COX7A2L: variants seen among roughly 807,000 people sequenced by gnomAD.
COX7A2L encodes cytochrome c oxidase subunit 7A2-like, mitochondrial.
In COX7A2L, 18 loss-of-function variants were observed where a neutral mutation model predicts 14.2. The observed-to-expected ratio is 1.27, with a 90% CI of 0.88 to 1.88. COX7A2L has a LOEUF of 1.88. COX7A2L is among the 40% of genes most tolerant of loss of function. The pLI, the probability that COX7A2L is intolerant of heterozygous loss-of-function variation, is 0.00. For synonymous variants in COX7A2L, 65 were observed against 57.4 expected (o/e 1.13, Z -0.60); for missense variants, 179 against 138.8 (o/e 1.29, Z -1.46).
At chr2:42,347,386 T>C (rs1670520744), downstream of COX7A2L, among the ~76,000 whole-genome samples, 1 of 150,738 alleles carries the variant, frequency 6.6e-6, no homozygotes, top group African/African-American at 2.4e-5. Flanking sequence ...AAATCTCACG[T>C]CTAGAAATGA....
chr2:42,337,462 AG>A (rs1186532454), intron 2 of COX7A2L, among the ~76,000 whole-genome samples: 1 of 152,172 alleles, frequency 6.6e-6, no homozygotes, highest in African/African-American at 2.4e-5. Flanking sequence ...CAGGAATGGA[AG>A]GGAGGGGAGG....
intron 2 of COX7A2L, among the ~76,000 whole-genome samples, chr2:42,351,699 C>T (rs182490941): frequency 9.9e-5 from 15 of 152,262 alleles, no homozygotes; most frequent in Admixed American, 7.2e-4. Context: ...AGAGGCTGGG[C>T]GCGGTGGCTC....
downstream of COX7A2L, among the ~76,000 whole-genome samples, chr2:42,345,826 C>T (rs1041642312): frequency 1.3e-5 from 2 of 152,136 alleles, no homozygotes; most frequent in Admixed American, 6.5e-5. Context: ...TACTCAGCAC[C>T]GTGGCCTAAC....
At chr2:42,357,500 C>T (rs145018212) in intron 1 of COX7A2L, among the ~76,000 whole-genome samples, 3 of 151,884 alleles carry the variant, frequency 2.0e-5, no homozygotes, top group African/African-American at 7.2e-5. Flanking sequence ...TTTTTAGAGA[C>T]GGGGTCTCAC....
At chr2:42,356,090 C>T (rs907163969) in intron 1 of COX7A2L, among the ~76,000 whole-genome samples, 4 of 151,990 alleles carry the variant, frequency 2.6e-5, no homozygotes, top group Admixed American at 6.6e-5. Context: ...AGTGCAGTGG[C>T]GTGATCCTGG....
intron 1 of COX7A2L, among the ~76,000 whole-genome samples, chr2:42,357,374 T>C (rs890107885): frequency 6.6e-6 from 1 of 152,226 alleles, no homozygotes; most frequent in Non-Finnish European, 1.5e-5. Context: ...AACGCATTGA[T>C]CACAGCTCAC....
At chr2:42,341,603 G>T (rs148677005) in intron 2 of COX7A2L, among the ~76,000 whole-genome samples, 1 of 152,212 alleles carries the variant, frequency 6.6e-6, no homozygotes, top group Non-Finnish European at 1.5e-5. Context: ...GTGATGGGTG[G>T]GGGGACACAA....
rs555545572 is a variant in COX7A2L at position 42,355,924 on chromosome 2, C to T, written c.73-2581G>A. ...TATTTTTCATAGAGACTGGGTTTTG[C>T]CATGTTGGCCAGGCTGGTCTCGAAC... is the stretch of plus-strand genomic sequence containing the variant. On this transcript the variant is annotated intron_variant, in intron 1 of 2. Transcript: ENST00000234301. Among the ~76,000 whole-genome samples the T allele has an allele frequency of 1.1e-3, 171 of 152,150 alleles. 1 individual carries two copies. The highest frequency in any genetic ancestry group is 6.8e-3 in the Middle Eastern group (2 of 294).
Position 42,338,176 on chromosome 2 carries a change from A to C in COX7A2L, c.193-4307T>G, listed in dbSNP as rs1441570011. 6.6e-6 allele frequency among the ~76,000 whole-genome samples: 1 copy of C among 152,154 alleles called. No homozygotes were observed. Among genetic ancestry groups the C allele is most frequent in the Non-Finnish European group, 1.5e-5 (1 of 68,016 alleles). ...CTCCTGGCCCACATGCAAGGCAGAG[A>C]CAGCCGTTCCGTGTTTCTCCCCCAG... On this transcript the variant is annotated intron_variant, in intron 2 of 2. Coordinates refer to the COX7A2L transcript ENST00000468711. The surrounding 1 kb of genome is among the most constrained non-coding windows in gnomAD (Gnocchi z 4.4).
At chr2:42,357,501 G>A (rs371791637) in intron 1 of COX7A2L, among the ~76,000 whole-genome samples, 12 of 151,564 alleles carry the variant, frequency 7.9e-5, no homozygotes, top group African/African-American at 2.7e-4. Flanking sequence ...TTTTAGAGAC[G>A]GGGTCTCACT....
upstream of COX7A2L, among the ~76,000 whole-genome samples, chr2:42,364,247 T>G (rs34740324): frequency 0.39 from 42,888 of 109,892 alleles, 7,354 homozygotes; most frequent in East Asian, 0.64. Context: ...CGAGACTCCG[T>G]CTCAAAAAAA....
chr2:42,344,629 G>A (rs1053367347), downstream of COX7A2L, among the ~76,000 whole-genome samples: 1 of 152,160 alleles, frequency 6.6e-6, no homozygotes, highest in Non-Finnish European at 1.5e-5. Flanking sequence ...GAGGTGGGCA[G>A]ATCCCGAGGT....
At position 42,350,566 on chromosome 2, in the gene COX7A2L, A is replaced by C. The variant is rs1572789795; in HGVS notation, c.*653T>G. The C allele has an allele frequency of 6.6e-6, 1 of 152,210 alleles. No individual in the cohort carries two copies. The highest frequency in any genetic ancestry group is 2.1e-4 in the South Asian group (1 of 4,838). The allele number at this position is 152,210 out of a possible 1,614,324, so 9.4% of individuals were successfully genotyped here. ...AAAATTTAAAGCTATAACATTTTTA[A>C]AAGATAAAGGAGAATTTGTGGCACA... On this transcript the variant is annotated 3_prime_UTR_variant, in exon 3 of 3. Coordinates refer to ENST00000234301, the MANE Select transcript of COX7A2L (RefSeq NM_004718.4).
upstream of COX7A2L, chr2:42,365,886 A>C (rs753118909): frequency 1.3e-5 from 2 of 152,190 alleles, no homozygotes; most frequent in Non-Finnish European, 2.9e-5. Flanking sequence ...TGTTGGAGAA[A>C]AGAATGAATG....
At position 42,336,135 on chromosome 2, in the gene COX7A2L, G is replaced by A. The variant is rs148003192; in HGVS notation, c.193-2266C>T. On this transcript the variant is annotated intron_variant, in intron 2 of 2. Coordinates refer to the COX7A2L transcript ENST00000468711. ...GCAGCTTCTCTCTGTCATTGGCCAC[G>A]TGCTTTTTCCACTTGGTCCTCATTC... Among the ~76,000 whole-genome samples the A allele has an allele frequency of 9.5e-4, 144 of 152,268 alleles. 1 individual carries two copies. Among genetic ancestry groups the A allele is most frequent in the Middle Eastern group, 3.4e-3 (1 of 294 alleles).
intron 1 of COX7A2L, among the ~76,000 whole-genome samples, chr2:42,354,285 G>C (rs1558633028): frequency 6.6e-6 from 1 of 151,974 alleles, no homozygotes; most frequent in Non-Finnish European, 1.5e-5. Context: ...AAAGGTGGGG[G>C]GGATCTCTGG....
chr2:42,367,487 A>T (rs531032506), intron 1 of COX7A2L, among the ~76,000 whole-genome samples: 9 of 152,274 alleles, frequency 5.9e-5, no homozygotes, highest in African/African-American at 2.2e-4. Context: ...CCTATAAAGA[A>T]AAAAAAAGCT....
chr2:42,337,516 G>A (rs565214163), intron 2 of COX7A2L, among the ~76,000 whole-genome samples: 56 of 141,824 alleles, frequency 3.9e-4, no homozygotes, highest in Middle Eastern at 8.3e-3. Context: ...CTGCAGTGAC[G>A]ATGAGTAGGA....
intron 2 of COX7A2L, among the ~76,000 whole-genome samples, chr2:42,343,011 G>A (rs1488851270): frequency 2.0e-5 from 3 of 152,064 alleles, no homozygotes; most frequent in Non-Finnish European, 4.4e-5. Flanking sequence ...GCAAGTGATC[G>A]TCCCACTCCC....
Sources: gnomAD v4.1 joint callset for allele counts (sites outside exome capture counted in the v4.1 genomes callset) on GRCh38, gnomAD v4.1.1 for gene constraint, Gnocchi (gnomAD v3.1) non-coding constraint, MANE v1.5 for transcripts, NCBI Gene and HGNC (gene_info 2026-07-23, HGNC 2026-07-21) for gene names.